Variants in MAP3K20 observed in about 807,000 individuals in gnomAD.
MAP3K20 encodes the protein mitogen-activated protein kinase kinase kinase 20, also known as HCCS-4.
In MAP3K20, 40 loss-of-function variants were observed where a neutral mutation model predicts 85.7. The observed-to-expected ratio is 0.47, with a 90% CI of 0.36 to 0.61. MAP3K20 has a LOEUF of 0.61. Among genes scored for constraint, MAP3K20 ranks in the 20% least tolerant of loss-of-function variants. MAP3K20 has a pLI of 0.00. For missense variants in MAP3K20, 817 were observed against 961.7 expected, an observed-to-expected ratio of 0.85 and a Z score of 1.99; for synonymous variants, 325 against 327.7, an observed-to-expected ratio of 0.99 and a Z score of 0.09.
At chr2:173,242,412 G>A (rs1367669728) in intron 16 of MAP3K20, among the ~76,000 whole-genome samples, 5 of 151,936 alleles carry the variant, frequency 3.3e-5, no homozygotes, top group South Asian at 4.2e-4. Flanking sequence ...CAGGTGATCC[G>A]CCCACCTCGG....
chr2:173,166,772 G>A (rs1271960729), intron 2 of MAP3K20: 1 of 152,038 alleles, frequency 6.6e-6, no homozygotes, highest in East Asian at 1.9e-4. Flanking sequence ...CAGTGAACAC[G>A]TTTTTAAACC....
At chr2:173,186,193 G>A (rs1327054542) in intron 4 of MAP3K20, among the ~76,000 whole-genome samples, 1 of 151,978 alleles carries the variant, frequency 6.6e-6, no homozygotes, top group Admixed American at 6.6e-5. Flanking sequence ...ATCCTTACTT[G>A]TCAGCAAGTG....
At chr2:173,086,707 G>A (rs779891238) in intron 1 of MAP3K20, among the ~76,000 whole-genome samples, 6 of 152,112 alleles carry the variant, frequency 3.9e-5, no homozygotes, top group Admixed American at 6.5e-5. Flanking sequence ...CCTTTTTCTG[G>A]CACCCTTAGG....
chr2:173,209,950 G>C (rs1683827918), intron 10 of MAP3K20, 115 bp downstream of exon 10: 6 of 945,518 alleles, frequency 6.3e-6, no homozygotes, highest in Non-Finnish European at 9.9e-6. Flanking sequence ...CCATAGCTTA[G>C]GGAAAAAGAA....
At chr2:173,076,808 C>T (rs1686876329) in intron 1 of MAP3K20, among the ~76,000 whole-genome samples, 1 of 152,230 alleles carries the variant, frequency 6.6e-6, no homozygotes, top group African/African-American at 2.4e-5. Flanking sequence ...GCTCCCAGAC[C>T]TGCACCAGGC....
rs201555790 is a variant in MAP3K20 at position 173,217,265 on chromosome 2, C to A, written c.987+15C>A. 6.5e-6 allele frequency: 10 copies of A among 1,528,838 alleles called. No individual in the cohort carries two copies. The highest frequency in any genetic ancestry group is 2.4e-5 in the East Asian group (1 of 42,248). 94.7% of individuals were successfully genotyped at this position (1,528,838 alleles called of 1,614,324 possible). A position where few individuals can be genotyped will look rare whatever the true frequency, so the allele number is the denominator to read the frequency against. ...CCAACACCCCGGTGAGTACCCTCCC[C>A]CTTCGCCGTCTTTCCACATGCGGCT... On this transcript the variant is annotated intron_variant, in intron 11 of 19. Coordinates refer to ENST00000375213, the MANE Select transcript of MAP3K20 (RefSeq NM_016653.3).
At chr2:173,172,519 TCA>T (rs1162519320) in intron 3 of MAP3K20, among the ~76,000 whole-genome samples, 1 of 152,156 alleles carries the variant, frequency 6.6e-6, no homozygotes, top group African/African-American at 2.4e-5. Flanking sequence ...TCTCTCTGTC[TCA>T]GTTTTCTCAT....
At chr2:173,126,470 C>T (rs1049283323) in intron 2 of MAP3K20, among the ~76,000 whole-genome samples, 1 of 152,162 alleles carries the variant, frequency 6.6e-6, no homozygotes, top group African/African-American at 2.4e-5. Flanking sequence ...ACCTCCACCT[C>T]CCAGGTTCAA....
chr2:173,261,246 A>C (rs2106356688), intron 18 of MAP3K20, 109 bp downstream of exon 18: 1 of 1,157,854 alleles, frequency 8.6e-7, no homozygotes, highest in Non-Finnish European at 1.2e-6. Context: ...CAGAGCATAT[A>C]ATTTATTGGG....
Position 173,187,535 on chromosome 2 carries a change from T to C in MAP3K20, c.350-23T>C, listed in dbSNP as rs769559063. 9 of 1,584,882 alleles carry C rather than the reference T, an allele frequency of 5.7e-6. No homozygotes were observed. In the South Asian group the frequency reaches 1.1e-4, roughly 19 times the overall value. On this transcript the variant is annotated intron_variant, in intron 4 of 19. Coordinates refer to ENST00000375213, the MANE Select transcript of MAP3K20 (RefSeq NM_016653.3). Reference sequence around the variant, plus strand: ...TAATGTTGAAAAATATTAATAGGCCTTTATTTCTTCTTGTGTGAAAAGGAA... The same window carrying C: ...TAATGTTGAAAAATATTAATAGGCCCTTATTTCTTCTTGTGTGAAAAGGAA...
Position 173,158,208 on chromosome 2 carries a change from C to G in MAP3K20, c.160-11597C>G, listed in dbSNP as rs566717188. Reference sequence around the variant, plus strand: ...AATCTACAGGAAGTTTTTGGCCTAGCTCACAGTAGGTACTCAATACATGTT... The same window carrying G: ...AATCTACAGGAAGTTTTTGGCCTAGGTCACAGTAGGTACTCAATACATGTT... On this transcript the variant is annotated intron_variant, in intron 2 of 19. Transcript: ENST00000375213. Among the ~76,000 whole-genome samples the G allele has an allele frequency of 2.0e-5, 3 of 152,302 alleles. No individual in the cohort carries two copies. In the East Asian group the frequency reaches 5.8e-4, roughly 29 times the overall value.
chr2:173,085,895 G>A (rs767923676), intron 1 of MAP3K20, among the ~76,000 whole-genome samples: 7 of 136,882 alleles, frequency 5.1e-5, no homozygotes, highest in South Asian at 2.3e-4. Flanking sequence ...TCTACGGTTC[G>A]AGCAATTCTC....
chr2:173,097,174 A>G (rs983356307), intron 2 of MAP3K20, among the ~76,000 whole-genome samples: 22 of 152,100 alleles, frequency 1.4e-4, no homozygotes, highest in African/African-American at 4.1e-4. Context: ...AGGTCAAGAG[A>G]TCGAAACCCC....
At chr2:173,167,588 A>C (rs576304208) in intron 2 of MAP3K20, among the ~76,000 whole-genome samples, 1 of 152,178 alleles carries the variant, frequency 6.6e-6, no homozygotes, top group Non-Finnish European at 1.5e-5. Flanking sequence ...TAAAACTGCA[A>C]ATTTTTTTGC....
intron 16 of MAP3K20, among the ~76,000 whole-genome samples, chr2:173,242,302 T>C (rs2106339893): frequency 6.6e-6 from 1 of 151,720 alleles, no homozygotes; most frequent in Non-Finnish European, 1.5e-5. Flanking sequence ...CAGAAGTACC[T>C]GGGATTACAG....
Position 173,205,102 on chromosome 2 carries a change from C to CAA in MAP3K20, c.744+1251_744+1252dup, listed in dbSNP as rs1191556180. 1.2e-3 allele frequency among the ~76,000 whole-genome samples: 64 copies of CAA among 53,980 alleles called. No individual in the cohort carries two copies. The East Asian group carries it at 0.035, about 30-fold the overall frequency. 35.4% of individuals were successfully genotyped at this position (53,980 alleles called of 152,430 possible). A position where few individuals can be genotyped will look rare whatever the true frequency, so the allele number is the denominator to read the frequency against. On this transcript the variant is annotated intron_variant, in intron 9 of 19. Transcript: ENST00000375213. ...TGGGTGACAGAGCGAGACTCTGTCT[C>CAA]AAAAAAAAAAAAAAAAAAAATAAAT...
intron 2 of MAP3K20, among the ~76,000 whole-genome samples, chr2:173,134,414 ATATATATATATATATT>A (rs1688728305): frequency 3.3e-4 from 2 of 6,126 alleles, no homozygotes; most frequent in Non-Finnish European, 7.5e-4. Flanking sequence ...ATATATATAT[ATATATATATATATATT>A]TTTTTTTTTT....
intron 16 of MAP3K20, among the ~76,000 whole-genome samples, chr2:173,257,043 G>A (rs951885538): frequency 2.7e-5 from 4 of 150,828 alleles, no homozygotes; most frequent in Non-Finnish European, 4.4e-5. Context: ...ACGTGCTTGT[G>A]GTCCCAGCTA....
intron 1 of MAP3K20, among the ~76,000 whole-genome samples, chr2:173,086,230 A>G (rs1180965558): frequency 6.6e-6 from 1 of 152,198 alleles, no homozygotes; most frequent in South Asian, 2.1e-4. Context: ...GAAAAATTAG[A>G]ACATAATTTA....
Sources: allele counts gnomAD v4.1 joint callset (sites outside exome capture counted in the v4.1 genomes callset), GRCh38; gene constraint gnomAD v4.1.1; transcripts MANE v1.5; gene names NCBI Gene and HGNC (gene_info 2026-07-23, HGNC 2026-07-21).